ANKS1B: variants seen among roughly 807,000 people sequenced by gnomAD.
ANKS1B encodes ankyrin repeat and sterile alpha motif domain-containing protein 1B.
A neutral mutation model predicts 148.3 loss-of-function variants in ANKS1B; 36 were observed. The observed-to-expected ratio is 0.24, with a 90% CI of 0.19 to 0.32. The LOEUF is 0.32. Among genes scored for constraint, ANKS1B ranks in the 10% least tolerant of loss-of-function variants. The pLI is 1.00. For synonymous variants in ANKS1B, 542 were observed against 560.8 expected, an observed-to-expected ratio of 0.97 and a Z score of 0.47; for missense variants, 1,157 against 1,542.6, an observed-to-expected ratio of 0.75 and a Z score of 4.19.
chr12:99,942,554 A>AT (rs2094946978), intron 1 of ANKS1B, among the ~76,000 whole-genome samples: 1 of 152,158 alleles, frequency 6.6e-6, no homozygotes, highest in African/African-American at 2.4e-5. Flanking sequence ...GAAAGATTAT[A>AT]TGAGTATGTC....
At chr12:98,802,076 A>T (rs2099008673) in intron 20 of ANKS1B, among the ~76,000 whole-genome samples, 1 of 152,164 alleles carries the variant, frequency 6.6e-6, no homozygotes. Flanking sequence ...TCCAAAACTC[A>T]GTTCTTTGTT....
chr12:99,323,805 G>C (rs970388031), intron 12 of ANKS1B, among the ~76,000 whole-genome samples: 5 of 152,152 alleles, frequency 3.3e-5, no homozygotes, highest in African/African-American at 7.2e-5. Flanking sequence ...GTAGGTAAGA[G>C]GTAGGAAGGA....
At chr12:98,989,284 T>G (rs1289317220) in intron 17 of ANKS1B, among the ~76,000 whole-genome samples, 1 of 152,214 alleles carries the variant, frequency 6.6e-6, no homozygotes, top group Non-Finnish European at 1.5e-5. Context: ...TTGATTTTTA[T>G]ATATGGTAGG....
intron 2 of ANKS1B, among the ~76,000 whole-genome samples, chr12:99,813,901 C>T (rs1273725647): frequency 4.6e-5 from 7 of 151,702 alleles, no homozygotes; most frequent in African/African-American, 1.4e-4. Context: ...GATAATCACA[C>T]ACCACATAAT....
intron 17 of ANKS1B, among the ~76,000 whole-genome samples, chr12:98,909,149 G>A (rs567215547): frequency 2.6e-5 from 4 of 152,150 alleles, no homozygotes; most frequent in African/African-American, 4.8e-5. Flanking sequence ...TTCAGGCCAC[G>A]CATTTCTGGA....
chr12:98,955,164 C>T (rs975124370), intron 17 of ANKS1B, among the ~76,000 whole-genome samples: 4 of 151,846 alleles, frequency 2.6e-5, no homozygotes, highest in Admixed American at 6.6e-5. Flanking sequence ...ACTTAGAGGA[C>T]GATAAGTACT....
intron 17 of ANKS1B, among the ~76,000 whole-genome samples, chr12:98,862,604 C>T (rs1257414429): frequency 6.6e-6 from 1 of 151,982 alleles, no homozygotes; most frequent in Non-Finnish European, 1.5e-5. Flanking sequence ...TATGTAAAAC[C>T]CTTTGCTCAA....
rs538210369 is a variant in ANKS1B, at chr12:99,153,024, A to G, written c.2526+1265T>C. 3.3e-5 allele frequency among the ~76,000 whole-genome samples: 5 copies of G among 152,256 alleles called. No homozygotes were observed. The South Asian group carries it at 8.3e-4, about 25-fold the overall frequency. The stretch of plus-strand genomic sequence containing the variant: ...ACAAGAAAAATAACAGTAGCTGCAT[A>G]TATCAGTATAAAAAAACCAACAAAT... On this transcript the variant is annotated intron_variant, in intron 15 of 26. Transcript: ENST00000683438.
At chr12:99,593,607 T>C (rs911818308) in intron 9 of ANKS1B, among the ~76,000 whole-genome samples, 8 of 152,062 alleles carry the variant, frequency 5.3e-5, no homozygotes, top group African/African-American at 1.7e-4. Context: ...CAACAAATGA[T>C]CCTTAATTAA....
chr12:99,812,333 CAACA>C (rs772772416), intron 2 of ANKS1B, 22 bp from the exon 3 acceptor site: 1 of 1,603,218 alleles, frequency 6.2e-7, no homozygotes, highest in South Asian at 1.1e-5. Context: ...AAAACAACAA[CAACA>C]AAATAGGCTG....
chr12:99,557,234 A>T (rs115159076), intron 9 of ANKS1B, among the ~76,000 whole-genome samples: 2,058 of 152,204 alleles, frequency 0.014, 52 homozygotes, highest in African/African-American at 0.047. Flanking sequence ...TGTTGGAAAC[A>T]TTTTCATGAA....
intron 15 of ANKS1B, among the ~76,000 whole-genome samples, chr12:99,134,632 C>CTG: frequency 1.3e-5 from 1 of 77,128 alleles, no homozygotes; most frequent in African/African-American, 5.7e-5. Context: ...CTTTCTGTCT[C>CTG]TCTCTCTCTC....
chr12:99,246,892 G>T, intron 12 of ANKS1B, 28 bp from the exon 13 acceptor site: 4 of 1,518,248 alleles, frequency 2.6e-6, no homozygotes, highest in Middle Eastern at 2.0e-4. Context: ...GGATATCAGG[G>T]TTTATAAAGG....
chr12:99,615,258 C>CAT (rs1263143923), intron 9 of ANKS1B, among the ~76,000 whole-genome samples: 2 of 152,048 alleles, frequency 1.3e-5, no homozygotes, highest in African/African-American at 4.8e-5. Flanking sequence ...AAATCATCAA[C>CAT]ATAATTTTGT....
intron 1 of ANKS1B, among the ~76,000 whole-genome samples, chr12:99,979,024 G>A (rs908007571): frequency 1.3e-5 from 2 of 151,946 alleles, no homozygotes; most frequent in Admixed American, 6.6e-5. Context: ...CATTTTAAAT[G>A]GAAATTAGTT....
At chr12:98,990,566 G>GAAAA (rs146384725) in intron 17 of ANKS1B, among the ~76,000 whole-genome samples, 1 of 117,014 alleles carries the variant, frequency 8.5e-6, no homozygotes. Flanking sequence ...GAGAGAGAGA[G>GAAAA]AAAAAAAAAA....
chr12:98,806,306 A>C (rs2153610459), intron 20 of ANKS1B, among the ~76,000 whole-genome samples: 1 of 152,328 alleles, frequency 6.6e-6, no homozygotes, highest in African/African-American at 2.4e-5. Flanking sequence ...TATTCTTTAA[A>C]ATTTTTAAAA....
chr12:99,646,276 A>G (rs2098362482), intron 9 of ANKS1B, among the ~76,000 whole-genome samples: 1 of 152,202 alleles, frequency 6.6e-6, no homozygotes, highest in African/African-American at 2.4e-5. Context: ...CATCTCAATA[A>G]ATAAAATAAA....
intron 1 of ANKS1B, among the ~76,000 whole-genome samples, chr12:99,964,954 A>G (rs1200832912): frequency 1.3e-5 from 2 of 152,244 alleles, no homozygotes; most frequent in Non-Finnish European, 2.9e-5. Flanking sequence ...ATATATACAA[A>G]GATAACAGAA....
Sources: allele counts gnomAD v4.1 joint callset (sites outside exome capture counted in the v4.1 genomes callset), GRCh38; gene constraint gnomAD v4.1.1; transcripts MANE v1.5; gene names NCBI Gene and HGNC (gene_info 2026-07-23, HGNC 2026-07-21).